CYP7B1: variants seen among roughly 807,000 people sequenced by gnomAD.
CYP7B1 encodes cytochrome P450 7B1.
In CYP7B1, 29 loss-of-function variants were observed where a neutral mutation model predicts 42.7. That is an observed-to-expected ratio of 0.68 (90% CI 0.51 to 0.93). The LOEUF (loss-of-function observed/expected upper bound fraction) is 0.93. Among genes scored for constraint, CYP7B1 ranks in the 40% least tolerant of loss-of-function variants. The pLI, the probability that CYP7B1 is intolerant of heterozygous loss-of-function variation, is 0.00. For missense variants in CYP7B1, 655 were observed against 600.5 expected (o/e 1.09, Z -0.95); for synonymous variants, 235 against 218.2 (o/e 1.08, Z -0.68).
chr8:64,779,042 GT>G (rs1476211780), intron 1 of CYP7B1, among the ~76,000 whole-genome samples: 2 of 152,058 alleles, frequency 1.3e-5, no homozygotes, highest in Non-Finnish European at 2.9e-5. Flanking sequence ...GTCCAAATGT[GT>G]GTAAATGTGT....
At chr8:64,690,826 G>C (rs1401644607) in intron 1 of CYP7B1, among the ~76,000 whole-genome samples, 1 of 152,188 alleles carries the variant, frequency 6.6e-6, no homozygotes, top group Non-Finnish European at 1.5e-5. Context: ...AACATCCCCA[G>C]GCATTCACTT....
At chr8:64,606,811 G>A (rs1291734829) in intron 4 of CYP7B1, among the ~76,000 whole-genome samples, 1 of 152,194 alleles carries the variant, frequency 6.6e-6, no homozygotes, top group African/African-American at 2.4e-5. Flanking sequence ...GTAATGAGTT[G>A]CGTTATTATC....
intron 1 of CYP7B1, among the ~76,000 whole-genome samples, chr8:64,698,756 C>A (rs2129632384): frequency 6.6e-6 from 1 of 152,208 alleles, no homozygotes; most frequent in African/African-American, 2.4e-5. Flanking sequence ...ACTCTGAAGA[C>A]AGCACAGGAA....
chr8:64,694,611 A>G (rs1563394512), intron 1 of CYP7B1, among the ~76,000 whole-genome samples: 3 of 152,252 alleles, frequency 2.0e-5, no homozygotes, highest in Non-Finnish European at 4.4e-5. Context: ...CAGCAATTTC[A>G]CAGAATAATT....
rs1324401591 is a variant in CYP7B1 at position 64,604,850 on chromosome 8, G to A, written c.1065C>T (p.Ser355=). ...QLDSLICLES[S]IFEALRLSSY... is the part of the protein sequence containing the mutation. The stretch of plus-strand genomic sequence containing the variant: ...AGGACAGTCGTAAAGCTTCAAAAAT[G>A]CTGCTTTCTGAAGGAAAAAAACAAA... Residue 355 remains serine (S), a synonymous_variant, in exon 5 of 6, where the codon AGC becomes AGT. Coordinates refer to ENST00000310193, the MANE Select transcript of CYP7B1 (RefSeq NM_004820.5). 6.2e-7 allele frequency: 1 copy of A among 1,613,754 alleles called. No homozygotes were observed. The highest frequency in any genetic ancestry group is 8.5e-7 in the Non-Finnish European group (1 of 1,179,984).
intron 1 of CYP7B1, among the ~76,000 whole-genome samples, chr8:64,630,460 A>T (rs888203962): frequency 6.6e-6 from 1 of 152,256 alleles, no homozygotes; most frequent in African/African-American, 2.4e-5. Flanking sequence ...AGTATTTGAA[A>T]GTAGCTGACA....
chr8:64,703,684 C>A (rs1201914709), intron 1 of CYP7B1: 1 of 151,900 alleles, frequency 6.6e-6, no homozygotes, highest in Non-Finnish European at 1.5e-5. Flanking sequence ...CAAACTGACA[C>A]GTGATTGTTT....
intron 1 of CYP7B1, among the ~76,000 whole-genome samples, chr8:64,709,062 C>T (rs1436401330): frequency 6.6e-6 from 1 of 152,180 alleles, no homozygotes; most frequent in Non-Finnish European, 1.5e-5. Context: ...AATTGGTGGA[C>T]TAATCTTGAG....
intron 1 of CYP7B1, among the ~76,000 whole-genome samples, chr8:64,793,300 A>T (rs1378631254): frequency 6.6e-6 from 1 of 152,150 alleles, no homozygotes; most frequent in African/African-American, 2.4e-5. Flanking sequence ...TTTTAAAAAG[A>T]TTTTATTTAA....
At chr8:64,631,577 T>G (rs1805697502) in intron 1 of CYP7B1, among the ~76,000 whole-genome samples, 1 of 151,758 alleles carries the variant, frequency 6.6e-6, no homozygotes, top group Non-Finnish European at 1.5e-5. Flanking sequence ...CGAGACTAAA[T>G]CAAATGGAAA....
rs181969783 is a variant in CYP7B1, at chr8:64,624,301, T to G, written c.259+102A>C. 3.3e-4 allele frequency: 364 copies of G among 1,117,586 alleles called. No individual in the cohort carries two copies. The Middle Eastern group carries it at 7.7e-3, about 24-fold the overall frequency. 69.2% of individuals were successfully genotyped at this position (1,117,586 alleles called of 1,614,324 possible). ...TTAGCTCTACAAAATAAAATAAAAA[T>G]ATACAAATATTCTACATTTTGCCTA... On this transcript the variant is annotated intron_variant, in intron 2 of 5. Coordinates refer to ENST00000310193, the MANE Select transcript of CYP7B1 (RefSeq NM_004820.5).
intron 2 of CYP7B1, among the ~76,000 whole-genome samples, chr8:64,622,725 A>C (rs1338415689): frequency 6.6e-6 from 1 of 152,154 alleles, no homozygotes; most frequent in African/African-American, 2.4e-5. Context: ...TGTGAGAGGA[A>C]TGAATCTAGA....
chr8:64,768,146 G>T (rs189122353), intron 1 of CYP7B1, among the ~76,000 whole-genome samples: 1 of 152,072 alleles, frequency 6.6e-6, no homozygotes, highest in South Asian at 2.1e-4. Context: ...GCTCATACCC[G>T]ACCAATCAGG....
rs571635086 is a variant in CYP7B1, at chr8:64,619,932, TA to T, written c.260-3652del. 6.9e-3 allele frequency among the ~76,000 whole-genome samples: 1,040 copies of T among 151,674 alleles called. 15 individuals carry two copies. Among genetic ancestry groups the T allele is most frequent in the African/African-American group, 0.024 (973 of 41,352 alleles). ...GGCTGCTTGGCATAGAAATGTCCTG[TA>T]AAAAAAATATAACCAAGGCCAGAGG... is the stretch of plus-strand genomic sequence containing the variant. On this transcript the variant is annotated intron_variant, in intron 2 of 5. Transcript: ENST00000310193.
intron 1 of CYP7B1, among the ~76,000 whole-genome samples, chr8:64,758,551 AT>A (rs1407381035): frequency 9.2e-5 from 14 of 152,036 alleles, no homozygotes; most frequent in Admixed American, 5.2e-4. Context: ...TTTATTTAAT[AT>A]TTAATAACAC....
chr8:64,716,107 A>G (rs1333743035), intron 1 of CYP7B1, among the ~76,000 whole-genome samples: 1 of 152,186 alleles, frequency 6.6e-6, no homozygotes, highest in Non-Finnish European at 1.5e-5. Context: ...TTTTGCGTTA[A>G]GCACTGTTTT....
chr8:64,772,573 T>C (rs1762679389), intron 1 of CYP7B1, among the ~76,000 whole-genome samples: 1 of 152,146 alleles, frequency 6.6e-6, no homozygotes, highest in Non-Finnish European at 1.5e-5. Context: ...TGTGAGCCAA[T>C]TTCTTACAGT....
chr8:64,608,649 A>AG (rs1805320413), intron 4 of CYP7B1, among the ~76,000 whole-genome samples: 1 of 151,408 alleles, frequency 6.6e-6, no homozygotes, highest in South Asian at 2.1e-4. Context: ...TGGTTATAAA[A>AG]GGGGGAGAGG....
chr8:64,720,732 T>G (rs964334897), intron 1 of CYP7B1, among the ~76,000 whole-genome samples: 2 of 152,142 alleles, frequency 1.3e-5, no homozygotes, highest in Non-Finnish European at 2.9e-5. Flanking sequence ...AAATATAAAT[T>G]TCTTGTGTCA....
Sources: allele counts gnomAD v4.1 joint callset (sites outside exome capture counted in the v4.1 genomes callset), GRCh38; gene constraint gnomAD v4.1.1; transcripts MANE v1.5; gene names NCBI Gene and HGNC (gene_info 2026-07-23, HGNC 2026-07-21).